Variants in FYN observed in about 807,000 individuals in gnomAD.
FYN encodes tyrosine-protein kinase Fyn.
Under a neutral mutation model 70.2 loss-of-function variants are expected in FYN, and 10 were observed. The observed-to-expected ratio is 0.14, with a 90% CI of 0.09 to 0.24. The LOEUF (loss-of-function observed/expected upper bound fraction) is 0.24. FYN is among the 10% of genes least tolerant of loss of function. FYN has a pLI of 1.00. For synonymous variants in FYN, 236 were observed against 248.6 expected, an observed-to-expected ratio of 0.95 and a Z score of 0.48; for missense variants, 319 against 673.1, an observed-to-expected ratio of 0.47 and a Z score of 5.82.
intron 3 of FYN, among the ~76,000 whole-genome samples, chr6:111,751,433 C>T (rs1802482516): frequency 6.9e-6 from 1 of 144,936 alleles, no homozygotes. Context: ...TAGCCCATGT[C>T]TCACAAAAAC....
intron 2 of FYN, among the ~76,000 whole-genome samples, chr6:111,805,598 C>T (rs1467057149): frequency 6.6e-6 from 1 of 152,124 alleles, no homozygotes; most frequent in African/African-American, 2.4e-5. Context: ...TTCTGCTCCT[C>T]CTATCGGCTT....
rs1323292818 is a variant in FYN at position 111,873,260 on chromosome 6, G to A, written c.-415C>T. On this transcript the variant is annotated 5_prime_UTR_variant, in exon 1 of 14. Coordinates refer to ENST00000354650, the MANE Select transcript of FYN (RefSeq NM_002037.5). ...CCGGGCGGGAGAGGACGCGCCGCTC[G>A]CACAACAACCTCGCCTCTACTCTCG... is the stretch of plus-strand genomic sequence containing the variant. 6.7e-6 allele frequency: 1 copy of A among 150,040 alleles called. No homozygotes were observed. The highest frequency in any genetic ancestry group is 1.5e-5 in the Non-Finnish European group (1 of 67,282). The allele number at this position is 150,040 out of a possible 1,614,324, so 9.3% of individuals were successfully genotyped here. A position where few individuals can be genotyped will look rare whatever the true frequency, so the allele number is the denominator to read the frequency against.
chr6:111,698,251 A>G (rs1799665567), intron 9 of FYN, among the ~76,000 whole-genome samples: 2 of 152,162 alleles, frequency 1.3e-5, no homozygotes, highest in Admixed American at 1.3e-4. Context: ...CTCCTGCCTC[A>G]GCCTCCTGAG....
intron 2 of FYN, among the ~76,000 whole-genome samples, chr6:111,800,459 C>T (rs1008422100): frequency 2.6e-5 from 4 of 151,818 alleles, no homozygotes; most frequent in African/African-American, 7.3e-5. Flanking sequence ...ACACAACTTG[C>T]CGAAGGGATA....
At chr6:111,680,274 C>G (rs990964939) in intron 12 of FYN, among the ~76,000 whole-genome samples, 13 of 152,074 alleles carry the variant, frequency 8.5e-5, no homozygotes, top group Admixed American at 6.5e-4. Flanking sequence ...GCCAGGAGGA[C>G]GAAAGGGAAC....
intron 12 of FYN, among the ~76,000 whole-genome samples, chr6:111,677,738 T>G (rs183457341): frequency 2.6e-5 from 4 of 152,276 alleles, no homozygotes; most frequent in Admixed American, 2.6e-4. Context: ...AAAGTCAGAA[T>G]CAAAGTGGTC....
chr6:111,717,297 A>C (rs1358163082), intron 4 of FYN, among the ~76,000 whole-genome samples: 1 of 152,142 alleles, frequency 6.6e-6, no homozygotes, highest in Non-Finnish European at 1.5e-5. Context: ...AAATTGAAAA[A>C]AAAAAGAAAT....
intron 13 of FYN, among the ~76,000 whole-genome samples, chr6:111,668,289 TGG>T (rs1798101857): frequency 6.6e-6 from 1 of 152,192 alleles, no homozygotes. Context: ...TGGAAGAGTG[TGG>T]ATGAGAATAA....
chr6:111,838,408 T>C (rs796949970), intron 2 of FYN, among the ~76,000 whole-genome samples: 10 of 152,294 alleles, frequency 6.6e-5, no homozygotes, highest in African/African-American at 1.7e-4. Flanking sequence ...AAGCACCTGA[T>C]AGTCACTCAA....
chr6:111,835,622 A>C (rs922721523), intron 2 of FYN, among the ~76,000 whole-genome samples: 2 of 152,092 alleles, frequency 1.3e-5, no homozygotes, highest in Non-Finnish European at 2.9e-5. Context: ...CAGTTGGCTA[A>C]ACATTTGATT....
chr6:111,689,125 G>A (rs1015295435), intron 12 of FYN, among the ~76,000 whole-genome samples: 2 of 152,190 alleles, frequency 1.3e-5, no homozygotes, highest in East Asian at 1.9e-4. Flanking sequence ...GATAGCCCAT[G>A]TAAGTTTCAC....
intron 13 of FYN, among the ~76,000 whole-genome samples, chr6:111,671,073 G>A (rs972504740): frequency 1.3e-5 from 2 of 152,170 alleles, no homozygotes; most frequent in Non-Finnish European, 2.9e-5. Flanking sequence ...CTCTTCTTTG[G>A]AACTGCATCC....
chr6:111,846,616 C>T lies in FYN; in HGVS notation c.-109G>A, dbSNP rs1050978707. Reference sequence around the variant, plus strand: ...TTTCCACGTTTAGATCAGCATCCTGCTTCTTCAAAAAAACTGTAGAAGAAG... The same window carrying T: ...TTTCCACGTTTAGATCAGCATCCTGTTTCTTCAAAAAAACTGTAGAAGAAG... On this transcript the variant is annotated 5_prime_UTR_variant, in exon 2 of 14. Transcript: ENST00000354650. 2 of 398,722 alleles carry T rather than the reference C, an allele frequency of 5.0e-6. No individual in the cohort carries two copies. The highest frequency in any genetic ancestry group is 4.4e-5 in the Admixed American group (1 of 22,684). 24.7% of individuals were successfully genotyped at this position (398,722 alleles called of 1,614,324 possible). A position where few individuals can be genotyped will look rare whatever the true frequency, so the allele number is the denominator to read the frequency against.
intron 2 of FYN, among the ~76,000 whole-genome samples, chr6:111,803,636 G>C (rs143003726): frequency 6.6e-6 from 1 of 152,082 alleles, no homozygotes; most frequent in Admixed American, 6.6e-5. Flanking sequence ...TGGGGCATGG[G>C]GGTGTGGGGT....
At chr6:111,717,575 C>A (rs1800717335) in intron 4 of FYN, among the ~76,000 whole-genome samples, 1 of 152,154 alleles carries the variant, frequency 6.6e-6, no homozygotes. Context: ...ACTTCTCCTG[C>A]CTCAGCCTCC....
At chr6:111,763,132 C>T (rs138100440) in intron 3 of FYN, among the ~76,000 whole-genome samples, 2 of 152,324 alleles carry the variant, frequency 1.3e-5, no homozygotes, top group Admixed American at 6.5e-5. Flanking sequence ...ACCTAGAAGT[C>T]ACCCCCTCCT....
intron 3 of FYN, among the ~76,000 whole-genome samples, chr6:111,760,846 C>T (rs1048039848): frequency 6.6e-6 from 1 of 152,236 alleles, no homozygotes; most frequent in Non-Finnish European, 1.5e-5. Flanking sequence ...TTCTCCCCTG[C>T]TCTTCCTATC....
intron 3 of FYN, among the ~76,000 whole-genome samples, chr6:111,739,035 C>A (rs1801828417): frequency 6.6e-6 from 1 of 152,196 alleles, no homozygotes; most frequent in African/African-American, 2.4e-5. Flanking sequence ...CCCATCCCTA[C>A]ATGAAGCCGA....
At chr6:111,687,797 C>G (rs905065132) in intron 12 of FYN, among the ~76,000 whole-genome samples, 1 of 152,128 alleles carries the variant, frequency 6.6e-6, no homozygotes. Context: ...CCATACAATT[C>G]TATGATATAG....
Sources: allele counts gnomAD v4.1 joint callset (sites outside exome capture counted in the v4.1 genomes callset), GRCh38; gene constraint gnomAD v4.1.1; transcripts MANE v1.5; gene names NCBI Gene and HGNC (gene_info 2026-07-23, HGNC 2026-07-21).